Variants in CIMAP1D observed in about 807,000 individuals in gnomAD.
The protein encoded by CIMAP1D is CIMAP1 family member D, also known as protein CIMAP1D.
the CIMAP1D span, among the ~76,000 whole-genome samples, chr19:478,114 G>A: frequency 6.6e-6 from 1 of 152,200 alleles, no homozygotes; most frequent in African/African-American, 2.4e-5. Flanking sequence ...CAACTCCAGA[G>A]CCACAGCAGG....
At chr19:488,142 C>G in the CIMAP1D span, among the ~76,000 whole-genome samples, 1 of 152,034 alleles carries the variant, frequency 6.6e-6, no homozygotes, top group African/African-American at 2.4e-5. Flanking sequence ...CCGATGGCCC[C>G]GGCCGAATAA....
the CIMAP1D span, among the ~76,000 whole-genome samples, chr19:480,403 C>T: frequency 4.0e-5 from 6 of 151,832 alleles, no homozygotes; most frequent in African/African-American, 1.2e-4. Flanking sequence ...CGGGAGAGGG[C>T]GTCACATGCT....
chr19:464,289 G>A, the CIMAP1D span: 2 of 1,541,906 alleles, frequency 1.3e-6, no homozygotes, highest in Non-Finnish European at 1.7e-6. Context: ...CAGGGTGAAA[G>A]CCGGCGGTGT....
At chr19:477,742 G>A in the CIMAP1D span, among the ~76,000 whole-genome samples, 3 of 152,118 alleles carry the variant, frequency 2.0e-5, no homozygotes, top group Non-Finnish European at 2.9e-5. Context: ...GGCTCACTGC[G>A]AGCTCCGCCT....
chr19:481,517 G>A, the CIMAP1D span, among the ~76,000 whole-genome samples: 1 of 139,874 alleles, frequency 7.1e-6, no homozygotes, highest in Admixed American at 7.2e-5. Flanking sequence ...TGATGGGGAA[G>A]GATGATGGGG....
chr19:477,418 A>G, the CIMAP1D span, among the ~76,000 whole-genome samples: 2 of 152,028 alleles, frequency 1.3e-5, no homozygotes, highest in African/African-American at 4.8e-5. Flanking sequence ...TATTAAAAAT[A>G]AAAAAATTAG....
the CIMAP1D span, among the ~76,000 whole-genome samples, chr19:487,571 G>A: frequency 8.6e-5 from 13 of 151,926 alleles, no homozygotes; most frequent in Middle Eastern, 3.4e-3. Context: ...TTGGAAGGCC[G>A]AGGCGGGAGG....
At chr19:479,515 C>T in the CIMAP1D span, among the ~76,000 whole-genome samples, 1 of 151,942 alleles carries the variant, frequency 6.6e-6, no homozygotes, top group African/African-American at 2.4e-5. Context: ...AGTGATCCTC[C>T]TGCCTCAGCC....
the CIMAP1D span, among the ~76,000 whole-genome samples, chr19:469,397 C>T: frequency 6.6e-6 from 1 of 152,030 alleles, no homozygotes; most frequent in African/African-American, 2.4e-5. Context: ...TTATTAGAAA[C>T]CCTTGATCAT....
the CIMAP1D span, among the ~76,000 whole-genome samples, chr19:483,945 G>C: frequency 6.6e-6 from 1 of 152,218 alleles, no homozygotes; most frequent in South Asian, 2.1e-4. Context: ...CTCCCACCCT[G>C]CCTGTGAGAT....
chr19:477,523 GCAC>G, the CIMAP1D span, among the ~76,000 whole-genome samples: 18,718 of 151,728 alleles, frequency 0.12, 2,555 homozygotes, highest in African/African-American at 0.34. Context: ...GGTGGAGGTT[GCAC>G]CACTGAGCCA....
chr19:463,563 C>T, the CIMAP1D span: 24 of 507,646 alleles, frequency 4.7e-5, no homozygotes, highest in African/African-American at 2.8e-4. Context: ...TGGGGAGGGC[C>T]GGAAGGTGTC....
chr19:486,612 T>C, the CIMAP1D span, among the ~76,000 whole-genome samples: 1 of 151,762 alleles, frequency 6.6e-6, no homozygotes, highest in Non-Finnish European at 1.5e-5. Flanking sequence ...AGCTAATTTT[T>C]GTCTTTTTTA....
the CIMAP1D span, among the ~76,000 whole-genome samples, chr19:466,868 G>A: frequency 2.4e-4 from 19 of 78,188 alleles, no homozygotes; most frequent in South Asian, 1.1e-3. Flanking sequence ...GGATGGATGA[G>A]TGGATGGACG....
the CIMAP1D span, among the ~76,000 whole-genome samples, chr19:484,941 C>T: frequency 9.9e-5 from 15 of 152,060 alleles, no homozygotes; most frequent in East Asian, 3.9e-4. Flanking sequence ...TAGGGAAGCC[C>T]GGGGGAGGCG....
At chr19:489,761 G>C in the CIMAP1D span, 37,135 of 347,142 alleles carry the variant, frequency 0.11, 4,354 homozygotes, top group African/African-American at 0.34. Flanking sequence ...CTCCCAACCC[G>C]TTAGGAACTG....
the CIMAP1D span, chr19:490,015 G>T: frequency 7.5e-6 from 3 of 398,486 alleles, no homozygotes; most frequent in Admixed American, 1.3e-4. Flanking sequence ...GGCCACGATA[G>T]AAAGAAGAAA....
the CIMAP1D span, among the ~76,000 whole-genome samples, chr19:486,585 C>T: frequency 4.6e-5 from 7 of 151,688 alleles, no homozygotes; most frequent in African/African-American, 1.2e-4. Context: ...GGATTACAGG[C>T]GCCCGTCACC....
chr19:483,398 T>C, the CIMAP1D span, among the ~76,000 whole-genome samples: 1 of 152,082 alleles, frequency 6.6e-6, no homozygotes, highest in Non-Finnish European at 1.5e-5. Context: ...CCACTGCGTC[T>C]AGCACAGGCT....
Sources: gnomAD v4.1 joint callset for allele counts (sites outside exome capture counted in the v4.1 genomes callset) on GRCh38, gnomAD v4.1.1 for gene constraint, MANE v1.5 for transcripts, NCBI Gene and HGNC (gene_info 2026-07-23, HGNC 2026-07-21) for gene names.